The following FGF14 variants were observed in gnomAD, a reference collection of about 807,000 sequenced individuals.
The protein encoded by FGF14 is fibroblast growth factor homologous factor 4.
In FGF14, 5 loss-of-function variants were observed where a neutral mutation model predicts 25.5. The observed-to-expected ratio is 0.20, with a 90% CI of 0.10 to 0.41. The LOEUF is 0.41. Among genes scored for constraint, FGF14 ranks in the 10% least tolerant of loss-of-function variants. The probability of loss-of-function intolerance (pLI) is 1.00; values close to 1 mark genes in which losing one functional copy is unlikely to be tolerated. For synonymous variants in FGF14, 138 were observed against 118.3 expected (o/e 1.17, Z -1.08); for missense variants, 222 against 320.1 (o/e 0.69, Z 2.34).
chr13:102,286,713 T>C (rs1328711225), intron 1 of FGF14, among the ~76,000 whole-genome samples: 3 of 152,206 alleles, frequency 2.0e-5, no homozygotes, highest in Non-Finnish European at 2.9e-5. Flanking sequence ...GAGTCAGTAA[T>C]TGTTTGCAGT....
chr13:101,931,831 A>G (rs747979367), intron 1 of FGF14, among the ~76,000 whole-genome samples: 2 of 152,160 alleles, frequency 1.3e-5, no homozygotes, highest in Non-Finnish European at 2.9e-5. Flanking sequence ...AACTTCCTAC[A>G]TGTCACTCCT....
chr13:101,991,310 A>G (rs1275034518), intron 1 of FGF14, among the ~76,000 whole-genome samples: 2 of 152,134 alleles, frequency 1.3e-5, no homozygotes. Flanking sequence ...TTCCATAAGG[A>G]AACAATCTGA....
chr13:102,226,045 T>C (rs570448798), intron 1 of FGF14, among the ~76,000 whole-genome samples: 1 of 152,214 alleles, frequency 6.6e-6, no homozygotes, highest in South Asian at 2.1e-4. Context: ...TGAATTGACA[T>C]TGGGTTAATT....
chr13:101,936,390 G>A (rs1225983976), intron 1 of FGF14, among the ~76,000 whole-genome samples: 9 of 152,166 alleles, frequency 5.9e-5, no homozygotes, highest in African/African-American at 1.4e-4. Flanking sequence ...CTTAGGCCAC[G>A]TCTCCTAACC....
chr13:101,815,609 C>A (rs548581985), intron 3 of FGF14, among the ~76,000 whole-genome samples: 1 of 152,254 alleles, frequency 6.6e-6, no homozygotes, highest in African/African-American at 2.4e-5. Context: ...TATCTTATCA[C>A]AGTCACCAGC....
At chr13:102,229,695 G>T (rs2050991334) in intron 1 of FGF14, among the ~76,000 whole-genome samples, 1 of 152,106 alleles carries the variant, frequency 6.6e-6, no homozygotes, top group South Asian at 2.1e-4. Flanking sequence ...GGCTTCTCAG[G>T]CCTTGGTCAT....
At chr13:101,890,674 GT>G (rs1360562825) in intron 1 of FGF14, among the ~76,000 whole-genome samples, 1 of 152,162 alleles carries the variant, frequency 6.6e-6, no homozygotes, top group Non-Finnish European at 1.5e-5. Context: ...GCTTCTGTAC[GT>G]TCATGGAAGC....
intron 1 of FGF14, among the ~76,000 whole-genome samples, chr13:101,926,474 A>C (rs868539692): frequency 5.8e-4 from 89 of 152,262 alleles, no homozygotes; most frequent in African/African-American, 2.1e-3. Context: ...TGAATTTCTT[A>C]TAACTTTAAT....
At chr13:101,919,000 T>C (rs1377613042), upstream of FGF14, among the ~76,000 whole-genome samples, 1 of 152,220 alleles carries the variant, frequency 6.6e-6, no homozygotes, top group Non-Finnish European at 1.5e-5. Flanking sequence ...TATTTTGCTC[T>C]GCCTTTCCCT....
At chr13:102,256,435 T>C (rs1330800985) in intron 1 of FGF14, among the ~76,000 whole-genome samples, 1 of 152,104 alleles carries the variant, frequency 6.6e-6, no homozygotes, top group Non-Finnish European at 1.5e-5. Context: ...GAGGTCGAAG[T>C]TGCAGTGAGC....
At chr13:102,069,744 C>T (rs1214322524) in intron 1 of FGF14, among the ~76,000 whole-genome samples, 2 of 152,114 alleles carry the variant, frequency 1.3e-5, no homozygotes, top group African/African-American at 2.4e-5. Flanking sequence ...AAACTCCAGA[C>T]GCGCCACCTT....
chr13:102,232,523 C>T (rs796799798), intron 1 of FGF14, among the ~76,000 whole-genome samples: 3 of 152,070 alleles, frequency 2.0e-5, no homozygotes, highest in African/African-American at 4.8e-5. Flanking sequence ...CAGTCTGAAC[C>T]CTTCTCTTTT....
chr13:102,261,522 T>G (rs1034674714), intron 1 of FGF14, among the ~76,000 whole-genome samples: 2 of 152,226 alleles, frequency 1.3e-5, no homozygotes, highest in Admixed American at 6.5e-5. Context: ...GTCTTGCATA[T>G]TCCAAAATAA....
intron 1 of FGF14, among the ~76,000 whole-genome samples, chr13:102,158,221 G>T (rs4462456): frequency 2.0e-5 from 3 of 152,034 alleles, no homozygotes; most frequent in Non-Finnish European, 4.4e-5. Flanking sequence ...ACATGCACAC[G>T]TATGTTTATT....
At chr13:101,956,899 CTCTT>C (rs1347393422) in intron 1 of FGF14, among the ~76,000 whole-genome samples, 3 of 151,578 alleles carry the variant, frequency 2.0e-5, no homozygotes, top group Admixed American at 6.6e-5. Flanking sequence ...TTTTCTCTCT[CTCTT>C]TCTTATGTAT....
intron 3 of FGF14, among the ~76,000 whole-genome samples, chr13:101,807,359 A>G (rs1042825726): frequency 2.0e-5 from 3 of 152,210 alleles, no homozygotes; most frequent in East Asian, 1.9e-4. Context: ...ATTTTCTACT[A>G]AAGTAGAAAG....
intron 3 of FGF14, among the ~76,000 whole-genome samples, chr13:101,772,533 C>G (rs1476309173): frequency 6.6e-6 from 1 of 151,956 alleles, no homozygotes; most frequent in Non-Finnish European, 1.5e-5. Flanking sequence ...AATTACTTCT[C>G]ATTTATCTCT....
At chr13:101,739,660 A>T (rs919869142) in intron 3 of FGF14, among the ~76,000 whole-genome samples, 33 of 152,354 alleles carry the variant, frequency 2.2e-4, no homozygotes, top group African/African-American at 7.9e-4. Flanking sequence ...CAACGAAATC[A>T]GAATGCAGAA....
At chr13:101,771,934 A>C (rs2038800083) in intron 3 of FGF14, among the ~76,000 whole-genome samples, 4 of 152,048 alleles carry the variant, frequency 2.6e-5, no homozygotes, top group African/African-American at 9.7e-5. Flanking sequence ...TGTATAAAAC[A>C]ATGTTGTCAA....
Sources: allele counts gnomAD v4.1 joint callset (sites outside exome capture counted in the v4.1 genomes callset), GRCh38; gene constraint gnomAD v4.1.1; transcripts MANE v1.5; gene names NCBI Gene and HGNC (gene_info 2026-07-23, HGNC 2026-07-21).